KIRREL3: variants seen among roughly 807,000 people sequenced by gnomAD.
The protein encoded by KIRREL3 is kirre like nephrin family adhesion molecule 3.
In KIRREL3, 36 loss-of-function variants were observed where a neutral mutation model predicts 89.7. That is an observed-to-expected ratio of 0.40 (90% confidence interval 0.31 to 0.53). The LOEUF (loss-of-function observed/expected upper bound fraction) is 0.53. KIRREL3 is among the 20% of genes least tolerant of loss of function. The probability of loss-of-function intolerance (pLI) is 0.49; values close to 1 mark genes in which losing one functional copy is unlikely to be tolerated. For missense variants in KIRREL3, 864 were observed against 1,056.6 expected, an observed-to-expected ratio of 0.82 and a Z score of 2.53; for synonymous variants, 445 against 441.4, an observed-to-expected ratio of 1.01 and a Z score of -0.10.
intron 1 of KIRREL3, among the ~76,000 whole-genome samples, chr11:126,855,658 C>T (rs545517880): frequency 6.6e-6 from 1 of 152,342 alleles, no homozygotes; most frequent in South Asian, 2.1e-4. Context: ...GCTCTGGCAG[C>T]CAGATGGGGC....
rs1352153566 is a variant in KIRREL3, at chr11:126,587,451, T to G, written c.56-24539A>C. Among the ~76,000 whole-genome samples, 1 of 152,072 alleles carries G rather than the reference T, an allele frequency of 6.6e-6. No individual in the cohort carries two copies. The highest frequency in any genetic ancestry group is 1.5e-5 in the Non-Finnish European group (1 of 68,010). ...CAGCTTTCCAATCTGGAACAGTGGGTCATGGAGCCATCACATTCCCAAACC... is the reference window on the plus strand; with the variant it reads ...CAGCTTTCCAATCTGGAACAGTGGGGCATGGAGCCATCACATTCCCAAACC... On this transcript the variant is annotated intron_variant, in intron 1 of 16. Transcript: ENST00000525144. This position sits in a 1 kb window ranked among gnomAD's most constrained non-coding sequence, Gnocchi z 5.2.
Position 126,645,049 on chromosome 11 carries a change from C to G in KIRREL3, c.56-82137G>C, listed in dbSNP as rs554488373. Among the ~76,000 whole-genome samples, 2 of 152,160 alleles carry G rather than the reference C, an allele frequency of 1.3e-5. No individual in the cohort carries two copies. Among genetic ancestry groups the G allele is most frequent in the African/African-American group, 4.8e-5 (2 of 41,516 alleles). ...GGGGTTGGGGTTGAAGTGGGAGGAG[C>G]ATTTCAGTCAATGGGAGAGTGGATA... On this transcript the variant is annotated intron_variant, in intron 1 of 16. Coordinates refer to ENST00000525144, the MANE Select transcript of KIRREL3 (RefSeq NM_032531.4). This position sits in a 1 kb window ranked among gnomAD's most constrained non-coding sequence, Gnocchi z 4.9.
chr11:126,494,614 T>A (rs1330965324), intron 4 of KIRREL3, among the ~76,000 whole-genome samples: 6 of 152,242 alleles, frequency 3.9e-5, no homozygotes, highest in African/African-American at 1.2e-4. Flanking sequence ...CCTTTACATT[T>A]TGTGCCTGAG....
intron 1 of KIRREL3, among the ~76,000 whole-genome samples, chr11:126,913,914 A>C (rs1946931763): frequency 1.3e-5 from 2 of 152,234 alleles, no homozygotes; most frequent in Admixed American, 1.3e-4. Flanking sequence ...GCTAGGCAGC[A>C]CATCTGTCCA....
intron 1 of KIRREL3, among the ~76,000 whole-genome samples, chr11:126,759,180 C>T (rs188160822): frequency 1.8e-3 from 279 of 152,240 alleles, no homozygotes; most frequent in African/African-American, 5.9e-3. Context: ...TGGAGTGCAG[C>T]GGCTCATGGT....
At chr11:126,505,251 T>G (rs1393863131) in intron 4 of KIRREL3, among the ~76,000 whole-genome samples, 2 of 152,186 alleles carry the variant, frequency 1.3e-5, no homozygotes, top group African/African-American at 4.8e-5. Context: ...AATCTTAAAT[T>G]TACAAATAAC....
intron 1 of KIRREL3, among the ~76,000 whole-genome samples, chr11:126,923,179 T>TTCTTC (rs1947461775): frequency 3.7e-5 from 1 of 26,910 alleles, no homozygotes; most frequent in Non-Finnish European, 7.6e-5. Flanking sequence ...TCTTCTTCTC[T>TTCTTC]TCTTCTTCTC....
intron 1 of KIRREL3, among the ~76,000 whole-genome samples, chr11:126,865,998 AG>A (rs1458641237): frequency 6.6e-6 from 1 of 152,156 alleles, no homozygotes; most frequent in Non-Finnish European, 1.5e-5. Flanking sequence ...GCTGGGCAGG[AG>A]GCTCCCAATA....
Position 126,426,685 on chromosome 11 carries a change from C to T in KIRREL3, c.1807-961G>A, listed in dbSNP as rs557420177. Reference sequence around the variant, plus strand: ...ACGAGAGGCTTGCCATGTGTCTCTGCTAGTTGCACGGTATAGGTAGTAGGT... The same window carrying T: ...ACGAGAGGCTTGCCATGTGTCTCTGTTAGTTGCACGGTATAGGTAGTAGGT... On this transcript the variant is annotated intron_variant, in intron 15 of 16. Transcript: ENST00000525144. 2.1e-4 allele frequency among the ~76,000 whole-genome samples: 32 copies of T among 152,306 alleles called. 1 individual carries two copies. The highest frequency in any genetic ancestry group is 8.3e-4 in the South Asian group (4 of 4,824).
At chr11:126,458,572 C>T (rs1956448371) in intron 6 of KIRREL3, among the ~76,000 whole-genome samples, 1 of 152,218 alleles carries the variant, frequency 6.6e-6, no homozygotes, top group Admixed American at 6.5e-5. Flanking sequence ...GAGATGGCCC[C>T]AGGGCTGTGC....
chr11:126,702,722 C>T (rs1293534378), intron 1 of KIRREL3, among the ~76,000 whole-genome samples: 1 of 152,222 alleles, frequency 6.6e-6, no homozygotes, highest in Non-Finnish European at 1.5e-5. Flanking sequence ...GCCCAGCCAC[C>T]TCCTGGTGCA....
Position 126,761,483 on chromosome 11 carries a change from T to G in KIRREL3, c.56-198571A>C, listed in dbSNP as rs1254091192. Among the ~76,000 whole-genome samples the G allele has an allele frequency of 1.3e-5, 2 of 152,234 alleles. No individual in the cohort carries two copies. The highest frequency in any genetic ancestry group is 2.9e-5 in the Non-Finnish European group (2 of 68,044). On this transcript the variant is annotated intron_variant, in intron 1 of 16. Coordinates refer to ENST00000525144, the MANE Select transcript of KIRREL3 (RefSeq NM_032531.4). This position sits in a 1 kb window ranked among gnomAD's most constrained non-coding sequence, Gnocchi z 4.4. ...CAACCCCAGTCCCAGCCCTGCTCCT[T>G]TCTCTTTCAAGGCATGGTTAACAGT... is the stretch of plus-strand genomic sequence containing the variant.
chr11:126,770,067 A>G (rs1405298234), intron 1 of KIRREL3, among the ~76,000 whole-genome samples: 1 of 151,972 alleles, frequency 6.6e-6, no homozygotes, highest in African/African-American at 2.4e-5. Context: ...TTCTCCCGCA[A>G]TTCCAAGCCT....
chr11:126,809,081 G>A (rs1340537789), intron 1 of KIRREL3, among the ~76,000 whole-genome samples: 1 of 152,142 alleles, frequency 6.6e-6, no homozygotes, highest in Non-Finnish European at 1.5e-5. Context: ...CGCAAGCATG[G>A]CTAGTTGTTC....
rs578097082 is a variant in KIRREL3, at chr11:126,908,701, G to A, written c.55+91754C>T. Among the ~76,000 whole-genome samples the A allele has an allele frequency of 6.6e-6, 1 of 152,244 alleles. No homozygotes were observed. Among genetic ancestry groups the A allele is most frequent in the African/African-American group, 2.4e-5 (1 of 41,542 alleles). On this transcript the variant is annotated intron_variant, in intron 1 of 16. Coordinates refer to ENST00000525144, the MANE Select transcript of KIRREL3 (RefSeq NM_032531.4). This position sits in a 1 kb window ranked among gnomAD's most constrained non-coding sequence, Gnocchi z 4.2. ...AAGGGCTTCCCATACACCAGAAACTGGGGATTCCACAGTAGATTAAATATA... is the reference window on the plus strand; with the variant it reads ...AAGGGCTTCCCATACACCAGAAACTAGGGATTCCACAGTAGATTAAATATA...
Position 126,432,721 on chromosome 11 carries a change from C to T in KIRREL3, c.1589-1195G>A, listed in dbSNP as rs1955182203. 1.3e-5 allele frequency among the ~76,000 whole-genome samples: 2 copies of T among 152,142 alleles called. No homozygotes were observed. The highest frequency in any genetic ancestry group is 6.6e-5 in the Admixed American group (1 of 15,262). On this transcript the variant is annotated intron_variant, in intron 13 of 16. Transcript: ENST00000525144. The surrounding 1 kb of genome is among the most constrained non-coding windows in gnomAD (Gnocchi z 6.2). ...CTGCTGAGCAACTGACTTTGCCTCT[C>T]TTATATCTGTAGGATGGGGATAATG...
intron 1 of KIRREL3, among the ~76,000 whole-genome samples, chr11:126,585,826 C>G (rs1034819128): frequency 5.9e-5 from 9 of 152,384 alleles, no homozygotes; most frequent in African/African-American, 1.7e-4. Flanking sequence ...ACGACCGTCG[C>G]TCTCGTTAAG....
At chr11:126,502,677 G>C (rs1316272653) in intron 4 of KIRREL3, among the ~76,000 whole-genome samples, 1 of 152,194 alleles carries the variant, frequency 6.6e-6, no homozygotes, top group African/African-American at 2.4e-5. Flanking sequence ...CTAAGAGACT[G>C]GCGCAGACTT....
intron 1 of KIRREL3, among the ~76,000 whole-genome samples, chr11:126,648,460 G>A (rs1944780041): frequency 6.6e-6 from 1 of 152,106 alleles, no homozygotes. Context: ...CTTGGGGACT[G>A]ACCATCTTAT....
Sources: gnomAD v4.1 joint callset for allele counts (sites outside exome capture counted in the v4.1 genomes callset) on GRCh38, gnomAD v4.1.1 for gene constraint, Gnocchi (gnomAD v3.1) non-coding constraint, MANE v1.5 for transcripts, NCBI Gene and HGNC (gene_info 2026-07-23, HGNC 2026-07-21) for gene names.